MTMR8: variants seen among roughly 807,000 people sequenced by gnomAD.
MTMR8 encodes myotubularin related protein 8.
In MTMR8, 65 loss-of-function variants were observed where a neutral mutation model predicts 39.3. The ratio of observed to expected loss-of-function variants is 1.65; its 90% CI spans 1.35 to 2.03. MTMR8 has a LOEUF of 2.03. Ranked by LOEUF, MTMR8 falls within the 30% of genes most tolerant of loss-of-function variation. The probability of loss-of-function intolerance (pLI) is 0.00; values close to 1 mark genes in which losing one functional copy is unlikely to be tolerated. For synonymous variants in MTMR8, 245 were observed against 185.2 expected (o/e 1.32, Z -2.62); for missense variants, 777 against 538.9 (o/e 1.44, Z -4.37).
At chrX:64,269,200 CAT>C (rs1931701233) in intron 13 of MTMR8, among the ~76,000 whole-genome samples, 157 bp from the exon 14 acceptor site, 1 of 111,282 alleles carries the variant, frequency 9.0e-6, no homozygotes, top group Non-Finnish European at 1.9e-5. Context: ...TCCCTCATCA[CAT>C]GTCATAGTAC....
At chrX:64,368,473 A>C (rs1175975643) in intron 1 of MTMR8, among the ~76,000 whole-genome samples, 1 of 111,828 alleles carries the variant, frequency 8.9e-6, no homozygotes, top group Non-Finnish European at 1.9e-5. Flanking sequence ...GAACCATCTG[A>C]TCTTTGACAA....
chrX:64,339,464 T>C (rs1436934327), intron 8 of MTMR8, among the ~76,000 whole-genome samples: 2 of 111,824 alleles, frequency 1.8e-5, no homozygotes, highest in Non-Finnish European at 3.8e-5. Flanking sequence ...AGAGCAATAG[T>C]AATTATATGA....
intron 12 of MTMR8, among the ~76,000 whole-genome samples, chrX:64,312,576 A>G (rs1342619764): frequency 8.9e-6 from 1 of 111,754 alleles, no homozygotes; most frequent in African/African-American, 3.3e-5. Context: ...TATTTAGAAA[A>G]CCCCATTGTC....
intron 1 of MTMR8, among the ~76,000 whole-genome samples, chrX:64,388,474 A>C (rs1924617018): frequency 8.9e-6 from 1 of 112,309 alleles, no homozygotes; most frequent in Non-Finnish European, 1.9e-5. Flanking sequence ...AGGTCATTGA[A>C]GGTTAAGTGT....
In MTMR8 at chrX:64,368,076, A is replaced by G. The variant is rs184508038; in HGVS notation, c.25-8549T>C. Among the ~76,000 whole-genome samples, 127 of 111,972 alleles carry G rather than the reference A, an allele frequency of 1.1e-3. 1 individual carries two copies. The highest frequency in any genetic ancestry group is 4.7e-3 in the Admixed American group (49 of 10,536). On this transcript the variant is annotated intron_variant, in intron 1 of 13. Transcript: ENST00000374852. ...GATGTGAAGGACCTCTTCATTGACAACTACAAACTACTGCTCAACAAAATA... is the reference window on the plus strand; with the variant it reads ...GATGTGAAGGACCTCTTCATTGACAGCTACAAACTACTGCTCAACAAAATA...
intron 12 of MTMR8, among the ~76,000 whole-genome samples, chrX:64,274,991 G>A (rs1310561882): frequency 9.0e-5 from 10 of 111,381 alleles, no homozygotes; most frequent in African/African-American, 3.3e-4. Flanking sequence ...TGCCCAGCAT[G>A]GTGACCATGG....
At chrX:64,282,045 G>A (rs1483470664) in intron 12 of MTMR8, among the ~76,000 whole-genome samples, 1 of 110,981 alleles carries the variant, frequency 9.0e-6, no homozygotes, top group Non-Finnish European at 1.9e-5. Context: ...AGTCAGAATG[G>A]CGATTATTAA....
In MTMR8 at chrX:64,395,263, G is replaced by A. The variant is rs954155019; in HGVS notation, c.24+77C>T. 2.5e-5 allele frequency: 26 copies of A among 1,049,373 alleles called. No homozygotes were observed. In the African/African-American group the frequency reaches 4.8e-4, roughly 19 times the overall value. 86.5% of individuals were successfully genotyped at this position (1,049,373 alleles called of 1,213,427 possible). A position where few individuals can be genotyped will look rare whatever the true frequency, so the allele number is the denominator to read the frequency against. ...CGTCAAAGAAGGCTGAGAAGGCTGA[G>A]GAGGTGTGTCTGGGCTCCCAGGTGA... On this transcript the variant is annotated intron_variant, in intron 1 of 13. Transcript: ENST00000374852.
chrX:64,333,386 C>T (rs969743890), intron 10 of MTMR8, among the ~76,000 whole-genome samples: 2 of 111,583 alleles, frequency 1.8e-5, no homozygotes, highest in Non-Finnish European at 3.8e-5. Context: ...CTAACTTCTG[C>T]CTCTAATATT....
Position 64,378,453 on chromosome X carries a change from T to C in MTMR8, c.24+16887A>G, listed in dbSNP as rs941990272. Among the ~76,000 whole-genome samples the C allele has an allele frequency of 8.0e-4, 89 of 111,713 alleles. 1 individual carries two copies. The highest frequency in any genetic ancestry group is 2.7e-3 in the African/African-American group (82 of 30,698). On this transcript the variant is annotated intron_variant, in intron 1 of 13. Coordinates refer to ENST00000374852, the MANE Select transcript of MTMR8 (RefSeq NM_017677.4). ...CCAGGCTGGTCTCAAACTCCCCGCC[T>C]CAAACGATCCTCCTGCCTTGGCCTC...
intron 12 of MTMR8, among the ~76,000 whole-genome samples, chrX:64,299,857 C>A (rs1349841912): frequency 1.1e-5 from 1 of 88,620 alleles, no homozygotes; most frequent in Non-Finnish European, 2.2e-5. Flanking sequence ...CATTCAGGAG[C>A]AGGTTGTTCA....
At chrX:64,295,022 A>C (rs1921524960) in intron 12 of MTMR8, among the ~76,000 whole-genome samples, 1 of 110,908 alleles carries the variant, frequency 9.0e-6, no homozygotes, top group Admixed American at 9.7e-5. Flanking sequence ...CTAGTGCTCC[A>C]ACCTCCCACA....
At chrX:64,365,797 T>C (rs897187248) in intron 1 of MTMR8, among the ~76,000 whole-genome samples, 5 of 111,597 alleles carry the variant, frequency 4.5e-5, no homozygotes, top group African/African-American at 1.6e-4. Flanking sequence ...AACACCCCAA[T>C]TAAAAGACAC....
At chrX:64,339,273 A>G (rs1923155260) in intron 8 of MTMR8, among the ~76,000 whole-genome samples, 1 of 111,523 alleles carries the variant, frequency 9.0e-6, no homozygotes, top group African/African-American at 3.3e-5. Context: ...AGCCTGTTCA[A>G]AAAAGCCCAA....
chrX:64,337,429 A>G (rs1923108017), intron 8 of MTMR8, 36 bp from the exon 9 acceptor site: 3 of 1,191,163 alleles, frequency 2.5e-6, no homozygotes, highest in Non-Finnish European at 3.4e-6. Context: ...ACCACAAGCA[A>G]CCTTTGCACA....
In MTMR8 at chrX:64,358,593, T is replaced by C. The variant is rs763272500; in HGVS notation, c.147+812A>G. 2.7e-5 allele frequency among the ~76,000 whole-genome samples: 3 copies of C among 111,384 alleles called. No homozygotes were observed. The South Asian group carries it at 1.1e-3, about 42-fold the overall frequency. ...TGCCCAAGGTTACAAAAGTAGTAAA[T>C]GTTGAAGCTGGGATTTCAACCTGAG... On this transcript the variant is annotated intron_variant, in intron 2 of 13. Coordinates refer to ENST00000374852, the MANE Select transcript of MTMR8 (RefSeq NM_017677.4).
intron 1 of MTMR8, among the ~76,000 whole-genome samples, chrX:64,368,862 T>A (rs1440555266): frequency 2.7e-5 from 3 of 112,388 alleles, no homozygotes; most frequent in Non-Finnish European, 3.8e-5. Flanking sequence ...TCTACCCATC[T>A]GACAAAGGGC....
At chrX:64,305,500 G>C in intron 12 of MTMR8, 1 of 336,535 alleles carries the variant, frequency 3.0e-6, no homozygotes, top group Non-Finnish European at 5.5e-6. Context: ...GGATGTGTCA[G>C]GATTGCCCAC....
At chrX:64,379,788 A>T (rs916287842) in intron 1 of MTMR8, among the ~76,000 whole-genome samples, 17 of 111,960 alleles carry the variant, frequency 1.5e-4, no homozygotes, top group Non-Finnish European at 2.1e-4. Flanking sequence ...TACCATAAAA[A>T]TTAGTAAATT....
Sources: allele counts gnomAD v4.1 joint callset (sites outside exome capture counted in the v4.1 genomes callset), GRCh38; gene constraint gnomAD v4.1.1; transcripts MANE v1.5; gene names NCBI Gene and HGNC (gene_info 2026-07-23, HGNC 2026-07-21).